The following CBR4 variants were observed in gnomAD, a reference collection of about 807,000 sequenced individuals.
CBR4 encodes the protein 3-oxoacyl-[acyl-carrier-protein] reductase.
Under a neutral mutation model 21.0 loss-of-function variants are expected in CBR4, and 22 were observed. That is an observed-to-expected ratio of 1.05 (90% CI 0.75 to 1.50). CBR4 has a LOEUF of 1.50. Among genes scored for constraint, CBR4 ranks in the 40% most tolerant of loss-of-function variants. The pLI is 0.00. For missense variants in CBR4, 302 were observed against 286.3 expected, an observed-to-expected ratio of 1.05 and a Z score of -0.40; for synonymous variants, 100 against 104.4, an observed-to-expected ratio of 0.96 and a Z score of 0.26.
intron 3 of CBR4, 101 bp from the exon 4 acceptor site, chr4:169,002,306 C>A (rs1211333667): frequency 1.1e-4 from 126 of 1,138,582 alleles, no homozygotes; most frequent in Non-Finnish European, 1.4e-4. Flanking sequence ...AAAGGTAAAA[C>A]CCACTTCACC....
intron 2 of CBR4, chr4:168,926,474 A>T: frequency 1.1e-6 from 1 of 888,474 alleles, no homozygotes; most frequent in Non-Finnish European, 1.7e-6. Context: ...AGGCAGAAAC[A>T]TACCTTTGAC....
downstream of CBR4, among the ~76,000 whole-genome samples, chr4:168,986,666 G>A (rs144444666): frequency 3.9e-4 from 59 of 152,068 alleles, 1 homozygote; most frequent in Non-Finnish European, 4.0e-4. Flanking sequence ...TTTCCTGGCC[G>A]GGCATGGTGG....
chr4:168,925,557 A>G (rs1413240551), intron 2 of CBR4, among the ~76,000 whole-genome samples: 2 of 152,176 alleles, frequency 1.3e-5, no homozygotes, highest in Non-Finnish European at 2.9e-5. Flanking sequence ...TCTCATTAAT[A>G]TATCTTAAGC....
intron 2 of CBR4, among the ~76,000 whole-genome samples, chr4:168,973,337 A>G (rs1385519838): frequency 6.6e-6 from 1 of 152,144 alleles, no homozygotes; most frequent in Non-Finnish European, 1.5e-5. Flanking sequence ...GAATAGTTTC[A>G]GTAGGATTGG....
In CBR4 at chr4:168,989,685, A is replaced by G. The variant is rs1764816859; in HGVS notation, c.*465T>C. On this transcript the variant is annotated 3_prime_UTR_variant, in exon 5 of 5. Transcript: ENST00000306193. Reference sequence around the variant, plus strand: ...AAATAATTCATCATAATTAGACAATATAATTTTTCCACTTTTGAGACAAAA... The same window carrying G: ...AAATAATTCATCATAATTAGACAATGTAATTTTTCCACTTTTGAGACAAAA... The G allele has an allele frequency of 2.0e-6, 2 of 983,030 alleles. No homozygotes were observed. Among genetic ancestry groups the G allele is most frequent in the South Asian group, 4.7e-5 (1 of 21,238 alleles). The allele number at this position is 983,030 out of a possible 1,614,324, so 60.9% of individuals were successfully genotyped here. A position where few individuals can be genotyped will look rare whatever the true frequency, so the allele number is the denominator to read the frequency against.
chr4:168,925,014 G>A, intron 2 of CBR4: 1 of 1,614,060 alleles, frequency 6.2e-7, no homozygotes, highest in Non-Finnish European at 8.5e-7. Flanking sequence ...ATGCTGGGTG[G>A]TATACTGTGT....
chr4:168,997,963 ATAT>A lies in CBR4; in HGVS notation c.535+4105_535+4107del, dbSNP rs141358627. ...AACTAGAACAAATTTCTATGTCTTA[ATAT>A]TATATTTGTAGAGGGAAGCAGAGTG... On this transcript the variant is annotated intron_variant, in intron 4 of 4. Coordinates refer to ENST00000306193, the MANE Select transcript of CBR4 (RefSeq NM_032783.5). 3.9e-3 allele frequency among the ~76,000 whole-genome samples: 599 copies of A among 152,332 alleles called. 3 individuals carry two copies. The highest frequency in any genetic ancestry group is 0.013 in the African/African-American group (558 of 41,580).
intron 2 of CBR4, among the ~76,000 whole-genome samples, chr4:168,954,413 T>G (rs1162058767): frequency 4.6e-5 from 7 of 152,200 alleles, no homozygotes; most frequent in Non-Finnish European, 8.8e-5. Flanking sequence ...TACCAGCATC[T>G]GCTTGGCCAT....
chr4:168,904,695 T>C (rs1342403236), intron 2 of CBR4, among the ~76,000 whole-genome samples: 1 of 152,162 alleles, frequency 6.6e-6, no homozygotes, highest in Non-Finnish European at 1.5e-5. Context: ...AAAGGCATGG[T>C]AAAATGAGCA....
intron 2 of CBR4, among the ~76,000 whole-genome samples, chr4:168,967,797 G>A (rs1213836994): frequency 6.6e-6 from 1 of 152,174 alleles, no homozygotes; most frequent in Non-Finnish European, 1.5e-5. Context: ...AAATTCTAGA[G>A]TGCTGTTGAG....
At chr4:168,913,710 A>G (rs1214268497) in intron 2 of CBR4, among the ~76,000 whole-genome samples, 1 of 152,048 alleles carries the variant, frequency 6.6e-6, no homozygotes, top group Non-Finnish European at 1.5e-5. Flanking sequence ...CCAAAAAAAG[A>G]CCTTGTCACC....
rs1455679097 is a variant in CBR4, at chr4:168,898,425, G to A, written n.170-3660C>T. The A allele has an allele frequency of 7.3e-6, 7 of 964,222 alleles. No homozygotes were observed. The African/African-American group carries it at 1.1e-4, about 16-fold the overall frequency. 59.7% of individuals were successfully genotyped at this position (964,222 alleles called of 1,614,324 possible). A position where few individuals can be genotyped will look rare whatever the true frequency, so the allele number is the denominator to read the frequency against. On this transcript the variant is annotated intron_variant and non_coding_transcript_variant, in intron 2 of 3. Transcript: ENST00000509108. ...ACTGTCTTCTAGGGCCTTATTGGGGGGCAGGGAGAGACGTGACACTTTGTC... is the reference window on the plus strand; with the variant it reads ...ACTGTCTTCTAGGGCCTTATTGGGGAGCAGGGAGAGACGTGACACTTTGTC...
chr4:169,004,725 A>T (rs1579026098), intron 3 of CBR4, among the ~76,000 whole-genome samples: 1 of 152,240 alleles, frequency 6.6e-6, no homozygotes, highest in Non-Finnish European at 1.5e-5. Flanking sequence ...TCTGCGAGAC[A>T]TGCTTGTACT....
At chr4:169,007,513 T>G in intron 2 of CBR4, 123 bp downstream of exon 2, 3 of 505,436 alleles carry the variant, frequency 5.9e-6, no homozygotes, top group Non-Finnish European at 9.4e-6. Flanking sequence ...TGACAAGTTT[T>G]AAAATAGTTT....
chr4:168,927,672 G>A (rs1762730544), intron 2 of CBR4: 1 of 226,098 alleles, frequency 4.4e-6, no homozygotes, highest in Non-Finnish European at 8.8e-6. Context: ...TTTGCCTTAA[G>A]AAGGTGCTGG....
In CBR4 at chr4:169,007,749, A is replaced by G. The variant is rs780869199; in HGVS notation, c.150T>C (p.His50=). Residue 50 remains histidine, a synonymous_variant, in exon 2 of 5, where the codon CAT becomes CAC. Coordinates refer to ENST00000306193, the MANE Select transcript of CBR4 (RefSeq NM_032783.5). ...TAGCAACATCACAGCTAAATGCCAA[A>G]TGATCTCCTACACAACAAAGTTAAA... ...KAAAGDLGGD[H]LAFSCDVAKE... 4 of 1,577,972 alleles carry G rather than the reference A, an allele frequency of 2.5e-6. No individual in the cohort carries two copies. The highest frequency in any genetic ancestry group is 1.7e-6 in the Non-Finnish European group (2 of 1,165,616).
At chr4:168,938,838 C>G (rs1214678201) in intron 2 of CBR4, among the ~76,000 whole-genome samples, 3 of 152,086 alleles carry the variant, frequency 2.0e-5, no homozygotes, top group African/African-American at 7.2e-5. Context: ...CAGGACTAGA[C>G]GGATTCACAG....
At chr4:168,943,701 GGAGTTCAA>G (rs1763324083) in intron 2 of CBR4, among the ~76,000 whole-genome samples, 1 of 152,134 alleles carries the variant, frequency 6.6e-6, no homozygotes, top group Non-Finnish European at 1.5e-5. Flanking sequence ...CCTGAGGTCA[GGAGTTCAA>G]GACTAGTTTG....
rs200162856 is a variant in CBR4 at position 169,010,111 on chromosome 4, G to A, written c.-22C>T. ...CCATCTCGGAGTCACAAACTCGGAG[G>A]AAAGAGGGTAGGGAGTGGGAGCCCC... On this transcript the variant is annotated 5_prime_UTR_variant, in exon 1 of 5. Coordinates refer to ENST00000306193, the MANE Select transcript of CBR4 (RefSeq NM_032783.5). 1.3e-6 allele frequency: 2 copies of A among 1,584,500 alleles called. No homozygotes were observed. The highest frequency in any genetic ancestry group is 1.1e-5 in the South Asian group (1 of 89,342).
Sources: gnomAD v4.1 joint callset for allele counts (sites outside exome capture counted in the v4.1 genomes callset) on GRCh38, gnomAD v4.1.1 for gene constraint, MANE v1.5 for transcripts, NCBI Gene and HGNC (gene_info 2026-07-23, HGNC 2026-07-21) for gene names.